The following TAF3 variants were observed in gnomAD, a reference collection of about 807,000 sequenced individuals.
TAF3 encodes transcription initiation factor TFIID subunit 3.
Under a neutral mutation model 80.6 loss-of-function variants are expected in TAF3, and 7 were observed. The observed-to-expected ratio is 0.09, with a 90% CI of 0.05 to 0.16. TAF3 has a LOEUF of 0.16. TAF3 is among the 10% of genes least tolerant of loss of function. The pLI, the probability that TAF3 is intolerant of heterozygous loss-of-function variation, is 1.00. For missense variants in TAF3, 921 were observed against 1,140.2 expected, an observed-to-expected ratio of 0.81 and a Z score of 2.77; for synonymous variants, 444 against 446.1, an observed-to-expected ratio of 1.00 and a Z score of 0.06.
intron 2 of TAF3, among the ~76,000 whole-genome samples, chr10:7,841,832 T>C (rs1836915721): frequency 6.6e-6 from 1 of 152,230 alleles, no homozygotes; most frequent in African/African-American, 2.4e-5. Flanking sequence ...GAATTTAGAA[T>C]GGACCTTATA....
At chr10:7,985,923 A>G (rs1285716325) in intron 4 of TAF3, among the ~76,000 whole-genome samples, 2 of 151,462 alleles carry the variant, frequency 1.3e-5, no homozygotes, top group African/African-American at 4.9e-5. Context: ...AGCTGGGACT[A>G]TGGGCACCCG....
intron 4 of TAF3, among the ~76,000 whole-genome samples, chr10:7,979,948 TAAAAG>T (rs1470519632): frequency 6.6e-6 from 1 of 152,140 alleles, no homozygotes; most frequent in Non-Finnish European, 1.5e-5. Context: ...GGAAAAAAAT[TAAAAG>T]AAGAATGTAT....
chr10:8,009,009 T>C lies in TAF3; in HGVS notation c.2316-69T>C. On this transcript the variant is annotated intron_variant, in intron 4 of 6. Coordinates refer to ENST00000344293, the MANE Select transcript of TAF3 (RefSeq NM_031923.4). This position sits in a 1 kb window ranked among gnomAD's most constrained non-coding sequence, Gnocchi z 4.1. ...GAAGAAAAGCTATTTTACGATCATG[T>C]TTTTAAGCACGGGTTTGGTTCGATG... 6.5e-7 allele frequency: 1 copy of C among 1,535,856 alleles called. No individual in the cohort carries two copies. Among genetic ancestry groups the C allele is most frequent in the Admixed American group, 1.7e-5 (1 of 57,788 alleles).
intron 4 of TAF3, among the ~76,000 whole-genome samples, chr10:8,002,655 T>G (rs148562164): frequency 3.3e-4 from 50 of 152,340 alleles, no homozygotes; most frequent in Non-Finnish European, 5.0e-4. Context: ...AGAATGAATA[T>G]TCCGCACTGA....
intron 2 of TAF3, among the ~76,000 whole-genome samples, chr10:7,891,992 T>C (rs1837460649): frequency 6.6e-6 from 1 of 152,252 alleles, no homozygotes; most frequent in Non-Finnish European, 1.5e-5. Flanking sequence ...TGCTGATAGT[T>C]AACTTATGAC....
chr10:7,858,827 T>TGTGCGC (rs575813657), intron 2 of TAF3, among the ~76,000 whole-genome samples: 4 of 149,328 alleles, frequency 2.7e-5, no homozygotes, highest in African/African-American at 1.0e-4. Context: ...TGTGTGTGTG[T>TGTGCGC]GCGCGCGCCT....
At chr10:7,858,410 T>C (rs1348276423) in intron 2 of TAF3, among the ~76,000 whole-genome samples, 2 of 152,198 alleles carry the variant, frequency 1.3e-5, no homozygotes, top group Non-Finnish European at 2.9e-5. Context: ...TCCTGGATGA[T>C]ACAATCGTTT....
At chr10:7,919,037 C>T (rs1837739052) in intron 2 of TAF3, among the ~76,000 whole-genome samples, 1 of 152,016 alleles carries the variant, frequency 6.6e-6, no homozygotes, top group Non-Finnish European at 1.5e-5. Context: ...GTGAAGGGAA[C>T]AGTTAGAAAA....
intron 2 of TAF3, among the ~76,000 whole-genome samples, chr10:7,855,095 A>G (rs1052936246): frequency 6.6e-6 from 1 of 152,184 alleles, no homozygotes; most frequent in Non-Finnish European, 1.5e-5. Context: ...TTGAAACTGG[A>G]AAGTCGAGGG....
intron 2 of TAF3, among the ~76,000 whole-genome samples, chr10:7,936,498 C>CT (rs200550840): frequency 0.026 from 3,723 of 144,366 alleles, 389 homozygotes; most frequent in Admixed American, 0.19. Flanking sequence ...TGAGCTGCAT[C>CT]TTTTTTTTTT....
At chr10:7,976,988 C>G (rs1011986689) in intron 3 of TAF3, among the ~76,000 whole-genome samples, 1 of 152,078 alleles carries the variant, frequency 6.6e-6, no homozygotes, top group African/African-American at 2.4e-5. Flanking sequence ...ATAATTAAGT[C>G]CAAAAGTTAA....
At chr10:7,839,836 C>G (rs1836892078) in intron 2 of TAF3, among the ~76,000 whole-genome samples, 1 of 152,158 alleles carries the variant, frequency 6.6e-6, no homozygotes, top group African/African-American at 2.4e-5. Context: ...GTGTCTCTTG[C>G]TTTACATTCA....
At chr10:7,873,233 T>C (rs1235472322) in intron 2 of TAF3, among the ~76,000 whole-genome samples, 1 of 152,214 alleles carries the variant, frequency 6.6e-6, no homozygotes, top group Non-Finnish European at 1.5e-5. Context: ...CTTCAAGATT[T>C]TTTTTTTCTA....
intron 2 of TAF3, among the ~76,000 whole-genome samples, chr10:7,947,693 T>G (rs76609621): frequency 2.5e-3 from 388 of 152,258 alleles, no homozygotes; most frequent in African/African-American, 9.0e-3. Flanking sequence ...CATGGCTTGA[T>G]GAAGGCAGCT....
intron 2 of TAF3, among the ~76,000 whole-genome samples, chr10:7,884,049 G>T (rs900082502): frequency 1.3e-5 from 2 of 152,102 alleles, no homozygotes; most frequent in African/African-American, 4.8e-5. Context: ...TCTGTGAGTG[G>T]ATTAACCCAG....
intron 2 of TAF3, among the ~76,000 whole-genome samples, chr10:7,950,778 A>G (rs1449218373): frequency 1.3e-5 from 2 of 152,180 alleles, no homozygotes; most frequent in African/African-American, 4.8e-5. Context: ...CTCTCGCACT[A>G]TAAGGAAGTG....
chr10:8,008,308 A>G (rs905972855), intron 4 of TAF3, among the ~76,000 whole-genome samples: 1 of 152,034 alleles, frequency 6.6e-6, no homozygotes. Context: ...CATGTTGGCC[A>G]GGCTGGTCTT....
intron 5 of TAF3, among the ~76,000 whole-genome samples, chr10:8,012,827 T>A (rs562394674): frequency 2.0e-5 from 3 of 152,280 alleles, no homozygotes; most frequent in Admixed American, 6.5e-5. Context: ...GTCTAGTCAG[T>A]GTGGTATTTG....
At chr10:7,951,145 G>T (rs1367366576) in intron 2 of TAF3, among the ~76,000 whole-genome samples, 1 of 152,228 alleles carries the variant, frequency 6.6e-6, no homozygotes, top group Non-Finnish European at 1.5e-5. Flanking sequence ...CAGTGGTTCA[G>T]TATTTGTTAG....
Sources: allele counts gnomAD v4.1 joint callset (sites outside exome capture counted in the v4.1 genomes callset), GRCh38; gene constraint gnomAD v4.1.1; non-coding constraint Gnocchi (gnomAD v3.1); transcripts MANE v1.5; gene names NCBI Gene and HGNC (gene_info 2026-07-23, HGNC 2026-07-21).